The following NAB1 variants were observed in gnomAD, a reference collection of about 807,000 sequenced individuals.
NAB1 encodes the protein NGFI-A-binding protein 1.
A neutral mutation model predicts 49.9 loss-of-function variants in NAB1; 25 were observed. That is an observed-to-expected ratio of 0.50 (90% confidence interval 0.37 to 0.70). The LOEUF (loss-of-function observed/expected upper bound fraction) is 0.70, where lower values mean the gene tolerates loss of function less well. Among genes scored for constraint, NAB1 ranks in the 30% least tolerant of loss-of-function variants. The probability of loss-of-function intolerance (pLI) is 0.00; values close to 1 mark genes in which losing one functional copy is unlikely to be tolerated. For synonymous variants in NAB1, 198 were observed against 215.6 expected (o/e 0.92, Z 0.71); for missense variants, 489 against 575.9 (o/e 0.85, Z 1.54).
At position 190,666,666 on chromosome 2, in the gene NAB1, C is replaced by T. The variant is rs1694536511; in HGVS notation, c.820-3660C>T. Among the ~76,000 whole-genome samples the T allele has an allele frequency of 6.6e-6, 1 of 151,724 alleles. No homozygotes were observed. Among genetic ancestry groups the T allele is most frequent in the Non-Finnish European group, 1.5e-5 (1 of 67,976 alleles). On this transcript the variant is annotated intron_variant, in intron 4 of 9. Transcript: ENST00000337386. The surrounding 1 kb of genome is among the most constrained non-coding windows in gnomAD (Gnocchi z 5.6). Reference sequence around the variant, plus strand: ...TGAGGTTGCGCCACTGCATTCCAGCCTGGGAGACAGAGTGAGACTCCATCT... The same window carrying T: ...TGAGGTTGCGCCACTGCATTCCAGCTTGGGAGACAGAGTGAGACTCCATCT...
chr2:190,664,768 T>G (rs1694425568), intron 4 of NAB1, among the ~76,000 whole-genome samples: 1 of 151,840 alleles, frequency 6.6e-6, no homozygotes, highest in South Asian at 2.1e-4. Context: ...CCTTTTATTT[T>G]CAGCCTTTCT....
intron 6 of NAB1, among the ~76,000 whole-genome samples, chr2:190,683,297 ATTTTTTTTTT>A (rs767640681): frequency 6.6e-5 from 5 of 76,140 alleles, no homozygotes; most frequent in South Asian, 5.1e-4. Context: ...CTCCCAGCTA[ATTTTTTTTTT>A]TTTTTTTTTT....
chr2:190,674,279 C>T lies in NAB1; in HGVS notation c.1005+1127C>T, dbSNP rs1364413015. On this transcript the variant is annotated intron_variant, in intron 6 of 9. Coordinates refer to ENST00000337386, the MANE Select transcript of NAB1 (RefSeq NM_005966.4). The surrounding 1 kb of genome is among the most constrained non-coding windows in gnomAD (Gnocchi z 5.7). ...CACACTCTCCATTCTTACTGTGTTC[C>T]AGCCGCACTGACTGACTTTCTGTTC... 1.3e-5 allele frequency among the ~76,000 whole-genome samples: 2 copies of T among 152,110 alleles called. No individual in the cohort carries two copies. The highest frequency in any genetic ancestry group is 4.8e-5 in the African/African-American group (2 of 41,426).
Position 190,685,448 on chromosome 2 carries a change from C to T in NAB1, c.1096-28C>T, listed in dbSNP as rs1057287321. On this transcript the variant is annotated intron_variant, in intron 7 of 9. Coordinates refer to ENST00000337386, the MANE Select transcript of NAB1 (RefSeq NM_005966.4). This position sits in a 1 kb window ranked among gnomAD's most constrained non-coding sequence, Gnocchi z 4.5. Reference sequence around the variant, plus strand: ...TAAAAAATCTAGAATGTTTCAGTTACTGATTTGATTTTTGCTTTACTTACT... The same window carrying T: ...TAAAAAATCTAGAATGTTTCAGTTATTGATTTGATTTTTGCTTTACTTACT... 1 of 1,571,846 alleles carries T rather than the reference C, an allele frequency of 6.4e-7. No individual in the cohort carries two copies. Among genetic ancestry groups the T allele is most frequent in the Non-Finnish European group, 8.6e-7 (1 of 1,159,074 alleles).
At position 190,680,607 on chromosome 2, in the gene NAB1, C is replaced by T. The variant is rs946134264; in HGVS notation, c.1006-3131C>T. Among the ~76,000 whole-genome samples the T allele has an allele frequency of 2.6e-5, 4 of 152,142 alleles. No individual in the cohort carries two copies. Among genetic ancestry groups the T allele is most frequent in the Non-Finnish European group, 4.4e-5 (3 of 68,024 alleles). On this transcript the variant is annotated intron_variant, in intron 6 of 9. Transcript: ENST00000337386. This position sits in a 1 kb window ranked among gnomAD's most constrained non-coding sequence, Gnocchi z 5.2. ...AGTGTATGAATCAGCTGGGTGGATG[C>T]GACATTTTTGTTGAATGTATAAACA...
chr2:190,680,613 T>A lies in NAB1; in HGVS notation c.1006-3125T>A, dbSNP rs1236443265. On this transcript the variant is annotated intron_variant, in intron 6 of 9. Transcript: ENST00000337386. This position sits in a 1 kb window ranked among gnomAD's most constrained non-coding sequence, Gnocchi z 5.2. ...TGAATCAGCTGGGTGGATGCGACAT[T>A]TTTGTTGAATGTATAAACACATGTT... Among the ~76,000 whole-genome samples the A allele has an allele frequency of 1.3e-5, 2 of 152,234 alleles. No homozygotes were observed. The highest frequency in any genetic ancestry group is 4.8e-5 in the African/African-American group (2 of 41,452).
rs1016558255 is a variant in NAB1 at position 190,689,716 on chromosome 2, C to T, written c.1376-529C>T. 6.6e-6 allele frequency among the ~76,000 whole-genome samples: 1 copy of T among 151,892 alleles called. No individual in the cohort carries two copies. Among genetic ancestry groups the T allele is most frequent in the Non-Finnish European group, 1.5e-5 (1 of 67,972 alleles). ...TTCCCCTACCTTAATATGTCATTGT[C>T]GGAAGAACTTTAAAAAATAGTTCCA... On this transcript the variant is annotated intron_variant, in intron 9 of 9. Coordinates refer to ENST00000337386, the MANE Select transcript of NAB1 (RefSeq NM_005966.4). This position sits in a 1 kb window ranked among gnomAD's most constrained non-coding sequence, Gnocchi z 4.3.
rs1216993062 is a variant in NAB1 at position 190,666,241 on chromosome 2, G to A, written c.820-4085G>A. On this transcript the variant is annotated intron_variant, in intron 4 of 9. Transcript: ENST00000337386. This position sits in a 1 kb window ranked among gnomAD's most constrained non-coding sequence, Gnocchi z 5.6. ...TTTTGAGCCTCCCTATCACACAGTTGTTCACAGTGTTTTTGTGCCAACAGT... is the reference window on the plus strand; with the variant it reads ...TTTTGAGCCTCCCTATCACACAGTTATTCACAGTGTTTTTGTGCCAACAGT... 6.6e-6 allele frequency among the ~76,000 whole-genome samples: 1 copy of A among 151,932 alleles called. No individual in the cohort carries two copies. The highest frequency in any genetic ancestry group is 1.5e-5 in the Non-Finnish European group (1 of 67,990).
In NAB1 at chr2:190,690,620, T is replaced by C. The variant is rs1695904162; in HGVS notation, c.*287T>C. ...GCTTACAAATCAATATTGTAAGCAT[T>C]CATTATTTAAGAATGTACAATGTAT... On this transcript the variant is annotated 3_prime_UTR_variant, in exon 10 of 10. Transcript: ENST00000337386. The C allele has an allele frequency of 3.7e-6, 1 of 272,030 alleles. No homozygotes were observed. Among genetic ancestry groups the C allele is most frequent in the African/African-American group, 2.2e-5 (1 of 46,048 alleles). The allele number at this position is 272,030 out of a possible 1,614,324, so 16.9% of individuals were successfully genotyped here.
chr2:190,687,138 A>T, intron 8 of NAB1, 63 bp from the exon 9 acceptor site: 1 of 1,101,806 alleles, frequency 9.1e-7, no homozygotes, highest in East Asian at 2.9e-5. Flanking sequence ...GGCAAAATTT[A>T]TTTTTAAGAA....
Position 190,669,881 on chromosome 2 carries a change from T to C in NAB1, c.820-445T>C, listed in dbSNP as rs1370417295. On this transcript the variant is annotated intron_variant, in intron 4 of 9. Coordinates refer to ENST00000337386, the MANE Select transcript of NAB1 (RefSeq NM_005966.4). The surrounding 1 kb of genome is among the most constrained non-coding windows in gnomAD (Gnocchi z 4.3). ...GATTTGATAAATGTTTAAAATCATA[T>C]GGTCTTGATTCCTTTTTAAGAATTT... Among the ~76,000 whole-genome samples the C allele has an allele frequency of 2.0e-5, 3 of 152,236 alleles. No homozygotes were observed. The highest frequency in any genetic ancestry group is 1.3e-4 in the Admixed American group (2 of 15,286).
chr2:190,679,853 T>C lies in NAB1; in HGVS notation c.1006-3885T>C, dbSNP rs908402483. On this transcript the variant is annotated intron_variant, in intron 6 of 9. Coordinates refer to ENST00000337386, the MANE Select transcript of NAB1 (RefSeq NM_005966.4). This position sits in a 1 kb window ranked among gnomAD's most constrained non-coding sequence, Gnocchi z 5.3. The stretch of plus-strand genomic sequence containing the variant: ...CACTCAGATTCTGCTGATGAACTGA[T>C]AACCCTCTAATCTGGGTCTCCAGCC... Among the ~76,000 whole-genome samples, 1 of 152,192 alleles carries C rather than the reference T, an allele frequency of 6.6e-6. No homozygotes were observed. Among genetic ancestry groups the C allele is most frequent in the Non-Finnish European group, 1.5e-5 (1 of 68,032 alleles).
chr2:190,677,929 C>T lies in NAB1; in HGVS notation c.1005+4777C>T, dbSNP rs529646572. Among the ~76,000 whole-genome samples, 5 of 152,130 alleles carry T rather than the reference C, an allele frequency of 3.3e-5. No individual in the cohort carries two copies. The highest frequency in any genetic ancestry group is 3.9e-4 in the East Asian group (2 of 5,182). On this transcript the variant is annotated intron_variant, in intron 6 of 9. Coordinates refer to ENST00000337386, the MANE Select transcript of NAB1 (RefSeq NM_005966.4). This position sits in a 1 kb window ranked among gnomAD's most constrained non-coding sequence, Gnocchi z 5.6. ...TTTCCTCCTAGTACCGTGTGAAGGGCGAAATGTGTGCAGGACTGGTAGTCT... is the reference window on the plus strand; with the variant it reads ...TTTCCTCCTAGTACCGTGTGAAGGGTGAAATGTGTGCAGGACTGGTAGTCT...
Position 190,652,904 on chromosome 2 carries a change from C to T in NAB1, c.-197+2922C>T, listed in dbSNP as rs2125551775. Among the ~76,000 whole-genome samples, 1 of 152,320 alleles carries T rather than the reference C, an allele frequency of 6.6e-6. No homozygotes were observed. The highest frequency in any genetic ancestry group is 1.9e-4 in the East Asian group (1 of 5,186). ...AGCGAAAATAATTAATTGCATAGAGCAAGCTTGTCCAACCCGAGGCCTGTG... is the reference window on the plus strand; with the variant it reads ...AGCGAAAATAATTAATTGCATAGAGTAAGCTTGTCCAACCCGAGGCCTGTG... On this transcript the variant is annotated intron_variant, in intron 2 of 9. Coordinates refer to ENST00000337386, the MANE Select transcript of NAB1 (RefSeq NM_005966.4). This position sits in a 1 kb window ranked among gnomAD's most constrained non-coding sequence, Gnocchi z 4.2.
rs1005580823 is a variant in NAB1, at chr2:190,682,315, C to G, written c.1006-1423C>G. Among the ~76,000 whole-genome samples the G allele has an allele frequency of 2.0e-5, 3 of 152,290 alleles. No homozygotes were observed. Among genetic ancestry groups the G allele is most frequent in the Admixed American group, 6.5e-5 (1 of 15,294 alleles). On this transcript the variant is annotated intron_variant, in intron 6 of 9. Transcript: ENST00000337386. This position sits in a 1 kb window ranked among gnomAD's most constrained non-coding sequence, Gnocchi z 4.1. ...AATCCTAATAGATAGGTTCTCCTAT[C>G]CTCAATTTTCCTGTGAGGAAACTGA...
chr2:190,659,607 C>T lies in NAB1; in HGVS notation c.431C>T (p.Ser144Leu), dbSNP rs1428855237. The change falls in exon 4 of 10, where the codon TCA becomes TTA. Residue 144 changes from serine to leucine, a missense_variant. Physicochemically the swap from Ser to Leu is moderately radical, Grantham distance 145. Coordinates refer to ENST00000337386, the MANE Select transcript of NAB1 (RefSeq NM_005966.4). The surrounding 1 kb of genome is among the most constrained non-coding windows in gnomAD (Gnocchi z 6.2). ...TCVQSLGQGKSDVVGSLALQS... is the reference protein window; with the variant it reads ...TCVQSLGQGKLDVVGSLALQS... ...GTGCAGAGCTTGGGACAGGGGAAGTCAGATGTGGTTGGGAGCCTAGCACTG... is the reference window on the plus strand; with the variant it reads ...GTGCAGAGCTTGGGACAGGGGAAGTTAGATGTGGTTGGGAGCCTAGCACTG... 6.2e-7 allele frequency: 1 copy of T among 1,614,088 alleles called. No individual in the cohort carries two copies. Among genetic ancestry groups the T allele is most frequent in the Non-Finnish European group, 8.5e-7 (1 of 1,180,052 alleles).
At position 190,676,640 on chromosome 2, in the gene NAB1, C is replaced by A. The variant is rs56346965; in HGVS notation, c.1005+3488C>A. ...GAGGCTGAGGTGGGAGAATCACTGC[C>A]CCACTGCACTCCAGCCCGGGCAACA... is the stretch of plus-strand genomic sequence containing the variant. On this transcript the variant is annotated intron_variant, in intron 6 of 9. Coordinates refer to ENST00000337386, the MANE Select transcript of NAB1 (RefSeq NM_005966.4). This position sits in a 1 kb window ranked among gnomAD's most constrained non-coding sequence, Gnocchi z 4.6. 0.53 allele frequency among the ~76,000 whole-genome samples: 79,845 copies of A among 151,978 alleles called. 22,352 individuals are homozygous for A. The highest frequency in any genetic ancestry group is 0.74 in the East Asian group (3,825 of 5,168).
At chr2:190,650,420 G>C (rs936150950) in intron 2 of NAB1, among the ~76,000 whole-genome samples, 6 of 152,156 alleles carry the variant, frequency 3.9e-5, no homozygotes, top group African/African-American at 1.2e-4. Context: ...AGTTTTAATA[G>C]ATAATATGAG....
intron 9 of NAB1, 90 bp from the exon 10 acceptor site, chr2:190,690,155 T>C (rs778069875): frequency 7.9e-5 from 72 of 912,592 alleles, no homozygotes; most frequent in Non-Finnish European, 1.2e-4. Flanking sequence ...CTATTTGATA[T>C]GGAGTTTGGG....
Sources: gnomAD v4.1 joint callset for allele counts (sites outside exome capture counted in the v4.1 genomes callset) on GRCh38, gnomAD v4.1.1 for gene constraint, Gnocchi (gnomAD v3.1) non-coding constraint, MANE v1.5 for transcripts, NCBI Gene and HGNC (gene_info 2026-07-23, HGNC 2026-07-21) for gene names.